ERLEC1: variants seen among roughly 807,000 people sequenced by gnomAD.
ERLEC1 encodes endoplasmic reticulum lectin 1.
In ERLEC1, 47 loss-of-function variants were observed where a neutral mutation model predicts 68.0. The ratio of observed to expected loss-of-function variants is 0.69; its 90% CI spans 0.55 to 0.88. The LOEUF is 0.88. Among genes scored for constraint, ERLEC1 ranks in the 40% least tolerant of loss-of-function variants. The probability of loss-of-function intolerance (pLI) is 0.00; values close to 1 mark genes in which losing one functional copy is unlikely to be tolerated. For missense variants in ERLEC1, 567 were observed against 583.8 expected (o/e 0.97, Z 0.30); for synonymous variants, 225 against 203.2 (o/e 1.11, Z -0.91).
intron 3 of ERLEC1, 120 bp downstream of exon 3, chr2:53,796,133 T>C: frequency 3.1e-6 from 2 of 639,634 alleles, no homozygotes; most frequent in Non-Finnish European, 5.1e-6. Context: ...ACTATTATTT[T>C]AGGTTTAGGG....
intron 8 of ERLEC1, among the ~76,000 whole-genome samples, chr2:53,804,248 C>T (rs1339528578): frequency 6.6e-6 from 1 of 151,884 alleles, no homozygotes; most frequent in South Asian, 2.1e-4. Flanking sequence ...TACATATACT[C>T]TTTTGTTGTT....
intron 1 of ERLEC1, among the ~76,000 whole-genome samples, chr2:53,794,090 A>G (rs961920965): frequency 6.6e-6 from 1 of 152,200 alleles, no homozygotes; most frequent in African/African-American, 2.4e-5. Flanking sequence ...ACTATGTTCA[A>G]TACTTGGGTG....
intron 8 of ERLEC1, among the ~76,000 whole-genome samples, chr2:53,806,764 A>G (rs909006957): frequency 7.2e-5 from 11 of 152,214 alleles, no homozygotes; most frequent in Non-Finnish European, 1.5e-4. Flanking sequence ...TCCACCATAT[A>G]TTTATTGGAA....
chr2:53,810,486 C>T (rs1343277819), intron 10 of ERLEC1, among the ~76,000 whole-genome samples: 1 of 152,184 alleles, frequency 6.6e-6, no homozygotes, highest in African/African-American at 2.4e-5. Context: ...ATTTGTCCTA[C>T]TTATACTTTG....
At chr2:53,804,568 G>A (rs767955258) in intron 8 of ERLEC1, among the ~76,000 whole-genome samples, 2 of 152,078 alleles carry the variant, frequency 1.3e-5, no homozygotes, top group African/African-American at 4.8e-5. Context: ...GAGCCACCAC[G>A]TGTGGCCGGG....
chr2:53,789,177 T>C (rs1000624502), intron 1 of ERLEC1, among the ~76,000 whole-genome samples: 1 of 151,936 alleles, frequency 6.6e-6, no homozygotes, highest in Non-Finnish European at 1.5e-5. Flanking sequence ...AGGCGGATTA[T>C]GAGGTCAGGA....
At chr2:53,796,543 C>G (rs1205261279) in intron 3 of ERLEC1, among the ~76,000 whole-genome samples, 2 of 151,634 alleles carry the variant, frequency 1.3e-5, no homozygotes, top group Non-Finnish European at 2.9e-5. Context: ...CACTGCAGCC[C>G]CAACGTCCCA....
chr2:53,808,578 C>G (rs935197866), intron 9 of ERLEC1, 118 bp downstream of exon 9: 1 of 954,062 alleles, frequency 1.0e-6, no homozygotes, highest in African/African-American at 1.7e-5. Flanking sequence ...AGGATCCTTT[C>G]ATCCCCAAAG....
intron 9 of ERLEC1, 141 bp downstream of exon 9, chr2:53,808,601 T>C (rs1051003488): frequency 7.4e-5 from 58 of 788,406 alleles, no homozygotes; most frequent in Non-Finnish European, 1.1e-4. Context: ...CATTTTCTTT[T>C]TGCAGTCTCA....
In ERLEC1 at chr2:53,808,371, G is replaced by A; in HGVS notation, c.952G>A (p.Val318Met). 1.2e-6 allele frequency: 2 copies of A among 1,614,138 alleles called. No homozygotes were observed. The highest frequency in any genetic ancestry group is 1.1e-5 in the South Asian group (1 of 91,086). ...HKSIAIGSQPVLTVGTTHISK... is the reference protein window; with the variant it reads ...HKSIAIGSQPMLTVGTTHISK... ...GTCGATTGCTATTGGCTCTCAGCCA[G>A]TGCTCACTGTTGGGACAACCCACAT... The change falls in exon 9 of 14, where the codon GTG (valine) becomes ATG (methionine). Residue 318 changes from valine (V) to methionine (M), a missense_variant. Physicochemically the swap from Val to Met is conservative, Grantham distance 21. Coordinates refer to ENST00000185150, the MANE Select transcript of ERLEC1 (RefSeq NM_015701.5).
chr2:53,798,469 C>G (rs1035377105), intron 5 of ERLEC1, among the ~76,000 whole-genome samples: 1 of 151,848 alleles, frequency 6.6e-6, no homozygotes, highest in Non-Finnish European at 1.5e-5. Flanking sequence ...CCATGTTGCC[C>G]AGGCTGGTCT....
Position 53,818,078 on chromosome 2 carries a change from G to T in ERLEC1, c.*109G>T. On this transcript the variant is annotated 3_prime_UTR_variant, in exon 14 of 14. Coordinates refer to ENST00000185150, the MANE Select transcript of ERLEC1 (RefSeq NM_015701.5). ...GCCATTGGACCTCTTCTAAAGGATG[G>T]TATAAAATGACTCTCAACCACTTTG... is the stretch of plus-strand genomic sequence containing the variant. 1.4e-6 allele frequency: 1 copy of T among 709,300 alleles called. No homozygotes were observed. Among genetic ancestry groups the T allele is most frequent in the South Asian group, 1.7e-5 (1 of 59,634 alleles). The allele number at this position is 709,300 out of a possible 1,614,324, so 43.9% of individuals were successfully genotyped here. A position where few individuals can be genotyped will look rare whatever the true frequency, so the allele number is the denominator to read the frequency against.
intron 6 of ERLEC1, among the ~76,000 whole-genome samples, chr2:53,799,852 T>G (rs1163273127): frequency 6.6e-6 from 1 of 152,100 alleles, no homozygotes; most frequent in Non-Finnish European, 1.5e-5. Context: ...CATTGCTATT[T>G]TAAAAGATTT....
intron 13 of ERLEC1, among the ~76,000 whole-genome samples, chr2:53,815,874 G>A (rs1283156905): frequency 6.6e-6 from 1 of 152,060 alleles, no homozygotes; most frequent in African/African-American, 2.4e-5. Context: ...GTTTCTATGT[G>A]TTGAGAACAT....
In ERLEC1 at chr2:53,811,811, T is replaced by G. The variant is rs545103963; in HGVS notation, c.1102-1138T>G. Among the ~76,000 whole-genome samples the G allele has an allele frequency of 2.0e-5, 3 of 152,320 alleles. No individual in the cohort carries two copies. The East Asian group carries it at 5.8e-4, about 29-fold the overall frequency. The stretch of plus-strand genomic sequence containing the variant: ...CTCTAATTTCTGCCTATCCAGGAAC[T>G]TAATCTAGTTGCTAAAAACAAATGT... On this transcript the variant is annotated intron_variant, in intron 10 of 13. Coordinates refer to ENST00000185150, the MANE Select transcript of ERLEC1 (RefSeq NM_015701.5).
intron 1 of ERLEC1, among the ~76,000 whole-genome samples, chr2:53,790,125 G>A (rs1040399620): frequency 4.6e-5 from 7 of 151,204 alleles, no homozygotes; most frequent in Admixed American, 6.6e-5. Flanking sequence ...ACAGAGTCTC[G>A]CTCTGTCACC....
At chr2:53,804,105 T>C (rs1249510917) in intron 8 of ERLEC1, among the ~76,000 whole-genome samples, 1 of 152,104 alleles carries the variant, frequency 6.6e-6, no homozygotes, top group Non-Finnish European at 1.5e-5. Flanking sequence ...CACTCCAGCC[T>C]GGGCGACAAA....
Position 53,787,158 on chromosome 2 carries a change from C to T in ERLEC1, c.-53C>T. 2.2e-6 allele frequency: 3 copies of T among 1,388,786 alleles called. No homozygotes were observed. The highest frequency in any genetic ancestry group is 2.8e-5 in the East Asian group (1 of 35,398). The allele number at this position is 1,388,786 out of a possible 1,614,324, so 86.0% of individuals were successfully genotyped here. A position where few individuals can be genotyped will look rare whatever the true frequency, so the allele number is the denominator to read the frequency against. On this transcript the variant is annotated 5_prime_UTR_variant, in exon 1 of 14. Transcript: ENST00000185150. ...CTCCACCTCCTCCTCCTCCTCCTCTCCTCCTGGAGCAGAGGAGGTTGTGGC... is the reference window on the plus strand; with the variant it reads ...CTCCACCTCCTCCTCCTCCTCCTCTTCTCCTGGAGCAGAGGAGGTTGTGGC...
chr2:53,789,094 T>C (rs965295065), intron 1 of ERLEC1, among the ~76,000 whole-genome samples: 14 of 151,928 alleles, frequency 9.2e-5, no homozygotes, highest in Admixed American at 3.3e-4. Context: ...AACAATTTTA[T>C]TTCAAAAAAA....
Sources: allele counts gnomAD v4.1 joint callset (sites outside exome capture counted in the v4.1 genomes callset), GRCh38; gene constraint gnomAD v4.1.1; transcripts MANE v1.5; gene names NCBI Gene and HGNC (gene_info 2026-07-23, HGNC 2026-07-21).